CD44: variants seen among roughly 807,000 people sequenced by gnomAD.
CD44 encodes CD44 molecule (IN blood group).
A neutral mutation model predicts 88.8 loss-of-function variants in CD44; 49 were observed. The observed-to-expected ratio is 0.55, with a 90% CI of 0.44 to 0.70. The LOEUF (loss-of-function observed/expected upper bound fraction) is 0.70. Among genes scored for constraint, CD44 ranks in the 30% least tolerant of loss-of-function variants. The probability of loss-of-function intolerance (pLI) is 0.00; values close to 1 mark genes in which losing one functional copy is unlikely to be tolerated. For synonymous variants in CD44, 325 were observed against 312.3 expected (o/e 1.04, Z -0.43); for missense variants, 883 against 913.8 (o/e 0.97, Z 0.43).
At chr11:35,153,877 A>G (rs944292029) in intron 1 of CD44, among the ~76,000 whole-genome samples, 2 of 152,202 alleles carry the variant, frequency 1.3e-5, no homozygotes, top group East Asian at 3.8e-4. Context: ...GACTTCTCAG[A>G]GCTGTACCAG....
At chr11:35,145,610 T>C (rs1210370211) in intron 1 of CD44, among the ~76,000 whole-genome samples, 1 of 151,904 alleles carries the variant, frequency 6.6e-6, no homozygotes, top group Non-Finnish European at 1.5e-5. Flanking sequence ...CAACCCCAAA[T>C]TTAAGCCTCA....
chr11:35,161,435 T>C (rs896233923), intron 1 of CD44, among the ~76,000 whole-genome samples: 5 of 152,146 alleles, frequency 3.3e-5, no homozygotes, highest in African/African-American at 1.2e-4. Flanking sequence ...ACAATGAGGG[T>C]AAATCCTTGC....
At chr11:35,210,374 C>CT (rs1467997425) in intron 13 of CD44, 1 of 162,106 alleles carries the variant, frequency 6.2e-6, no homozygotes, top group Non-Finnish European at 1.3e-5. Flanking sequence ...ATCTTTCTAA[C>CT]TTTTTTATGT....
chr11:35,161,658 C>T (rs940995746), intron 1 of CD44, among the ~76,000 whole-genome samples: 2 of 152,134 alleles, frequency 1.3e-5, no homozygotes, highest in African/African-American at 4.8e-5. Context: ...CCAATTCTAC[C>T]CAGCTTGTGA....
chr11:35,164,978 C>T (rs1047331626), intron 1 of CD44, among the ~76,000 whole-genome samples: 2 of 152,126 alleles, frequency 1.3e-5, no homozygotes, highest in African/African-American at 2.4e-5. Flanking sequence ...TGGTGGCCAT[C>T]GTCACTTTGA....
intron 5 of CD44, among the ~76,000 whole-genome samples, chr11:35,191,852 AC>A (rs1946302856): frequency 6.6e-6 from 1 of 152,230 alleles, no homozygotes; most frequent in Admixed American, 6.5e-5. Context: ...TATTTTGAGA[AC>A]CTACTACGTA....
In CD44 at chr11:35,221,702, C is replaced by A. The variant is rs1462323976; in HGVS notation, c.1994C>A (p.Ala665Glu). 6.2e-7 allele frequency: 1 copy of A among 1,614,094 alleles called. No homozygotes were observed. Among genetic ancestry groups the A allele is most frequent in the East Asian group, 2.2e-5 (1 of 44,892 alleles). The change falls in exon 17 of 18, where the codon GCA (alanine) becomes GAA (glutamate). Residue 665 changes from alanine (A) to glutamate (E), a missense_variant. By Grantham distance (107) the Ala-to-Glu change is moderately radical. Around this residue, in one of 2 missense-constraint regions of CD44, gnomAD observed 631 missense variants for 590.9 expected, o/e 1.07. Transcript: ENST00000428726. ...CTCTTGGCCTTGGCTTTGATTCTTG[C>A]AGTTTGCATTGCAGTCAACAGTCGA... Reference protein sequence around the residue: ...ASLLALALILAVCIAVNSRRR... With the variant: ...ASLLALALILEVCIAVNSRRR...
chr11:35,148,943 C>T (rs1264172241), intron 1 of CD44, among the ~76,000 whole-genome samples: 1 of 152,176 alleles, frequency 6.6e-6, no homozygotes, highest in Non-Finnish European at 1.5e-5. Context: ...CGATCCTCAA[C>T]CCGCCTCCTC....
At chr11:35,193,271 A>G (rs1946446411) in intron 5 of CD44, among the ~76,000 whole-genome samples, 1 of 152,198 alleles carries the variant, frequency 6.6e-6, no homozygotes, top group Non-Finnish European at 1.5e-5. Flanking sequence ...AAAAAAGCTT[A>G]TAATGTTTTA....
intron 7 of CD44, among the ~76,000 whole-genome samples, chr11:35,200,798 C>T (rs1947239630): frequency 6.6e-6 from 1 of 152,130 alleles, no homozygotes; most frequent in African/African-American, 2.4e-5. Context: ...CAAAGCTGTC[C>T]TTCCTACTGC....
At chr11:35,202,040 G>T (rs1021958579) in intron 9 of CD44, among the ~76,000 whole-genome samples, 3 of 152,182 alleles carry the variant, frequency 2.0e-5, no homozygotes, top group Non-Finnish European at 4.4e-5. Flanking sequence ...TTGTGTTAAA[G>T]GTTCCTAGAG....
At chr11:35,185,909 G>A (rs1244327918) in intron 3 of CD44, among the ~76,000 whole-genome samples, 1 of 152,124 alleles carries the variant, frequency 6.6e-6, no homozygotes. Context: ...GAAGTTTCAG[G>A]GCCTGTTATC....
At chr11:35,146,709 C>G (rs891159449) in intron 1 of CD44, among the ~76,000 whole-genome samples, 2 of 152,208 alleles carry the variant, frequency 1.3e-5, no homozygotes, top group African/African-American at 4.8e-5. Context: ...AGAGTTCATG[C>G]TCTTTGTCAC....
At chr11:35,213,382 C>T (rs958375368) in intron 14 of CD44, among the ~76,000 whole-genome samples, 3 of 152,178 alleles carry the variant, frequency 2.0e-5, no homozygotes, top group African/African-American at 7.2e-5. Context: ...TTTTCTCAGT[C>T]TTTACGCTTA....
At chr11:35,166,486 C>T (rs889536845) in intron 1 of CD44, among the ~76,000 whole-genome samples, 23 of 152,204 alleles carry the variant, frequency 1.5e-4, no homozygotes, top group African/African-American at 5.6e-4. Flanking sequence ...TCAAAACAAC[C>T]CAAGAGCTTT....
At chr11:35,223,444 G>C (rs1373510392) in intron 17 of CD44, 1 of 218,830 alleles carries the variant, frequency 4.6e-6, no homozygotes, top group African/African-American at 2.3e-5. Context: ...CGACATTTAG[G>C]GAGACCTCGG....
At position 35,201,694 on chromosome 11, in the gene CD44, G is replaced by C; in HGVS notation, c.1060G>C (p.Ala354Pro). Residue 354 changes from alanine to proline, a missense_variant, in exon 9 of 18, where the codon GCT becomes CCT. This residue lies in a region of CD44 where 631 missense variants were observed against 590.9 expected (regional missense o/e 1.07). Transcript: ENST00000428726. ...MTDVDRNGTT[A>P]YEGNWNPEAH... ...AGATGTAGACAGAAATGGCACCACT[G>C]CTTATGAAGGAAACTGGAACCCAGA... 6.2e-7 allele frequency: 1 copy of C among 1,613,804 alleles called. No homozygotes were observed.
intron 17 of CD44, among the ~76,000 whole-genome samples, chr11:35,227,548 A>C (rs1949790904): frequency 1.3e-5 from 2 of 152,172 alleles, no homozygotes; most frequent in East Asian, 3.9e-4. Context: ...GGTCCCCATG[A>C]ATCTGTTTCA....
Position 35,195,088 on chromosome 11 carries a change from G to C in CD44, c.668-1658G>C, listed in dbSNP as rs578019640. Among the ~76,000 whole-genome samples, 4 of 152,300 alleles carry C rather than the reference G, an allele frequency of 2.6e-5. No homozygotes were observed. The East Asian group carries it at 7.7e-4, about 29-fold the overall frequency. Reference sequence around the variant, plus strand: ...AATCTAGGCCTCTAACCAGCTCCCTGGGTGTGTGGCTCTTAGCTCTATATC... The same window carrying C: ...AATCTAGGCCTCTAACCAGCTCCCTCGGTGTGTGGCTCTTAGCTCTATATC... On this transcript the variant is annotated intron_variant, in intron 5 of 17. Transcript: ENST00000428726.
Sources: allele counts gnomAD v4.1 joint callset (sites outside exome capture counted in the v4.1 genomes callset), GRCh38; gene constraint gnomAD v4.1.1; regional missense constraint gnomAD v4.1.1; transcripts MANE v1.5; gene names NCBI Gene and HGNC (gene_info 2026-07-23, HGNC 2026-07-21).